Variants in PHEX observed in about 807,000 individuals in gnomAD.
PHEX encodes the protein phosphate regulating endopeptidase X-linked, also known as phosphate-regulating neutral endopeptidase PHEX.
In PHEX, 16 loss-of-function variants were observed where a neutral mutation model predicts 68.0. That is an observed-to-expected ratio of 0.24 (90% CI 0.16 to 0.36). The LOEUF (loss-of-function observed/expected upper bound fraction) is 0.36. Ranked by LOEUF, PHEX falls within the 10% of genes least tolerant of loss-of-function variation. The probability of loss-of-function intolerance (pLI) is 1.00; values close to 1 mark genes in which losing one functional copy is unlikely to be tolerated. For synonymous variants in PHEX, 208 were observed against 205.1 expected (o/e 1.01, Z -0.12); for missense variants, 480 against 575.5 (o/e 0.83, Z 1.70).
chrX:22,229,591 G>GT (rs1935637607), intron 20 of PHEX, among the ~76,000 whole-genome samples: 1 of 112,076 alleles, frequency 8.9e-6, no homozygotes, highest in Admixed American at 9.4e-5. Flanking sequence ...TGATGAGGTT[G>GT]TTTTTTTCTT....
chrX:22,077,414 A>G (rs1302696211), intron 4 of PHEX, 62 bp from the exon 5 acceptor site: 3 of 992,525 alleles, frequency 3.0e-6, no homozygotes, highest in Non-Finnish European at 4.3e-6. Context: ...GATGCACTTA[A>G]ATTCTAGTGT....
chrX:22,245,216 C>CTGTT lies in PHEX; in HGVS notation c.2071-113_2071-110dup, dbSNP rs758129694. 2.4e-4 allele frequency: 141 copies of CTGTT among 588,655 alleles called. No homozygotes were observed. In the African/African-American group the frequency reaches 2.6e-3, roughly 11 times the overall value. The allele number at this position is 588,655 out of a possible 1,213,427, so 48.5% of individuals were successfully genotyped here. ...GACGGTTTTATTTGATCTTCTAAAA[C>CTGTT]TGTTTGTCATCCATTGGTTCTAAAA... is the stretch of plus-strand genomic sequence containing the variant. On this transcript the variant is annotated intron_variant, in intron 20 of 21. Coordinates refer to ENST00000379374, the MANE Select transcript of PHEX (RefSeq NM_000444.6).
intron 1 of PHEX, among the ~76,000 whole-genome samples, chrX:22,038,070 G>A (rs1036737021): frequency 9.0e-6 from 1 of 110,753 alleles, no homozygotes; most frequent in Non-Finnish European, 1.9e-5. Flanking sequence ...AGCATGTATC[G>A]GAATCACCTG....
intron 20 of PHEX, among the ~76,000 whole-genome samples, chrX:22,233,765 T>G (rs1488873188): frequency 8.9e-6 from 1 of 111,742 alleles, no homozygotes; most frequent in East Asian, 2.8e-4. Context: ...CAATGCTCCT[T>G]TAGCTCGGAG....
chrX:22,139,225 G>A (rs763656310), intron 12 of PHEX, among the ~76,000 whole-genome samples: 1 of 111,750 alleles, frequency 8.9e-6, no homozygotes, highest in South Asian at 3.8e-4. Context: ...CCTGGAGCAT[G>A]AGAAAGGCTC....
intron 3 of PHEX, among the ~76,000 whole-genome samples, chrX:22,072,236 A>G (rs1266754690): frequency 9.2e-6 from 1 of 109,128 alleles, no homozygotes; most frequent in Non-Finnish European, 1.9e-5. Flanking sequence ...CAAAACAAAC[A>G]AACACACAAA....
At chrX:22,095,466 C>A (rs1930094329) in intron 7 of PHEX, among the ~76,000 whole-genome samples, 1 of 112,274 alleles carries the variant, frequency 8.9e-6, no homozygotes, top group Admixed American at 9.4e-5. Context: ...AATGAAGTGA[C>A]AAATCTATTG....
At chrX:22,223,736 AAAACACAC>A (rs1935346946) in intron 18 of PHEX, among the ~76,000 whole-genome samples, 1 of 112,847 alleles carries the variant, frequency 8.9e-6, no homozygotes, top group South Asian at 3.6e-4. Flanking sequence ...ACCCTGTCTC[AAAACACAC>A]AAACACACAC....
intron 9 of PHEX, among the ~76,000 whole-genome samples, chrX:22,110,443 T>C (rs149602637): frequency 8.3e-4 from 93 of 112,389 alleles, no homozygotes; most frequent in Middle Eastern, 9.2e-3. Flanking sequence ...TTCTTTTTTT[T>C]ATCCTTGTTT....
intron 10 of PHEX, among the ~76,000 whole-genome samples, chrX:22,111,885 C>T: frequency 8.9e-6 from 1 of 112,115 alleles, no homozygotes; most frequent in Non-Finnish European, 1.9e-5. Context: ...AACTGGGTCA[C>T]TGTAATTATA....
chrX:22,220,289 C>A (rs1935229252), intron 17 of PHEX, among the ~76,000 whole-genome samples: 1 of 111,503 alleles, frequency 9.0e-6, no homozygotes, highest in South Asian at 3.9e-4. Flanking sequence ...TACCCCAGGG[C>A]CAGAGACACT....
chrX:22,235,766 A>ATCTT lies in PHEX; in HGVS notation c.2070+8156_2070+8159dup, dbSNP rs776621305. Reference sequence around the variant, plus strand: ...TAGTTAGTTATCATATATAGGCATAATCTTAATAAATATCCTCTACTCTGG... The same window carrying ATCTT: ...TAGTTAGTTATCATATATAGGCATAATCTTTCTTAATAAATATCCTCTACTCTGG... On this transcript the variant is annotated intron_variant, in intron 20 of 21. Coordinates refer to ENST00000379374, the MANE Select transcript of PHEX (RefSeq NM_000444.6). Among the ~76,000 whole-genome samples, 441 of 109,925 alleles carry ATCTT rather than the reference A, an allele frequency of 4.0e-3. 1 individual carries two copies. The highest frequency in any genetic ancestry group is 0.014 in the Middle Eastern group (3 of 218).
intron 1 of PHEX, among the ~76,000 whole-genome samples, chrX:22,036,331 A>G (rs1052283145): frequency 4.6e-5 from 5 of 109,569 alleles, no homozygotes; most frequent in African/African-American, 1.7e-4. Context: ...AAGTGCTGGG[A>G]TTGCAGGCCT....
intron 17 of PHEX, among the ~76,000 whole-genome samples, 190 bp from the exon 18 acceptor site, chrX:22,221,423 A>G (rs1392873106): frequency 8.9e-6 from 1 of 111,908 alleles, no homozygotes; most frequent in Non-Finnish European, 1.9e-5. Flanking sequence ...AACTTCCTCA[A>G]TTGTCTTTAT....
Position 22,249,455 on chromosome X carries a change from A to AAAAAAT in PHEX, c.*1503_*1504insAAAATA. The AAAAAAT allele has an allele frequency of 1.4e-3, 55 of 39,750 alleles. No individual in the cohort carries two copies. Among genetic ancestry groups the AAAAAAT allele is most frequent in the African/African-American group, 5.8e-3 (35 of 6,015 alleles). 3.3% of individuals were successfully genotyped at this position (39,750 alleles called of 1,213,427 possible). On this transcript the variant is annotated 3_prime_UTR_variant, in exon 22 of 22. Transcript: ENST00000379374. Reference sequence around the variant, plus strand: ...TTGTGATTCTTTTAAAAAAAAAAAAAATATATATATATATATATATATATA... The same window carrying AAAAAAT: ...TTGTGATTCTTTTAAAAAAAAAAAAAAAAAATATATATATATATATATATATATATA...
rs2147174336 is a variant in PHEX at position 22,221,611 on chromosome X, A to G, written c.1769-2A>G. 1 of 1,197,343 alleles carries G rather than the reference A, an allele frequency of 8.4e-7. No individual in the cohort carries two copies. Among genetic ancestry groups the G allele is most frequent in the Non-Finnish European group, 1.1e-6 (1 of 882,550 alleles). ...ATGTCTTCGAACTTTTCCTTTTGCT[A>G]GGTAGAAAATATGATAAAAATGGAA... On this transcript the variant is annotated splice_acceptor_variant, in intron 17 of 21. Coordinates refer to ENST00000379374, the MANE Select transcript of PHEX (RefSeq NM_000444.6). LOFTEE classifies it high-confidence loss of function.
At chrX:22,187,505 A>C (rs928952523) in intron 14 of PHEX, among the ~76,000 whole-genome samples, 1 of 111,884 alleles carries the variant, frequency 8.9e-6, no homozygotes, top group Non-Finnish European at 1.9e-5. Context: ...GCTTGTGATT[A>C]GATTGAGCCT....
At chrX:22,239,869 C>A (rs761231179) in intron 20 of PHEX, among the ~76,000 whole-genome samples, 2 of 111,215 alleles carry the variant, frequency 1.8e-5, no homozygotes, top group East Asian at 2.8e-4. Context: ...GGCCAACATT[C>A]AAATTCAGGA....
At chrX:22,233,191 T>C (rs958580799) in intron 20 of PHEX, among the ~76,000 whole-genome samples, 1 of 112,231 alleles carries the variant, frequency 8.9e-6, no homozygotes, top group African/African-American at 3.2e-5. Context: ...GTTAGCCTGA[T>C]GGGCATCCCT....
Sources: allele counts gnomAD v4.1 joint callset (sites outside exome capture counted in the v4.1 genomes callset), GRCh38; gene constraint gnomAD v4.1.1; transcripts MANE v1.5; gene names NCBI Gene and HGNC (gene_info 2026-07-23, HGNC 2026-07-21).